KIF1B: variants seen among roughly 807,000 people sequenced by gnomAD.
KIF1B encodes the protein kinesin-like protein KIF1B.
Under a neutral mutation model 241.9 loss-of-function variants are expected in KIF1B, and 76 were observed. That is an observed-to-expected ratio of 0.31 (90% CI 0.26 to 0.38). KIF1B has a LOEUF of 0.38. Ranked by LOEUF, KIF1B falls within the 10% of genes least tolerant of loss-of-function variation. The probability of loss-of-function intolerance (pLI) is 1.00; values close to 1 mark genes in which losing one functional copy is unlikely to be tolerated. For synonymous variants in KIF1B, 750 were observed against 796.7 expected, an observed-to-expected ratio of 0.94 and a Z score of 0.99; for missense variants, 1,622 against 2,271.4, an observed-to-expected ratio of 0.71 and a Z score of 5.81.
At chr1:10,313,359 G>T (rs543131396) in intron 22 of KIF1B, among the ~76,000 whole-genome samples, 1 of 151,208 alleles carries the variant, frequency 6.6e-6, no homozygotes, top group Non-Finnish European at 1.5e-5. Flanking sequence ...GAGCCACCAC[G>T]CCTAGCCTAG....
chr1:10,337,155 T>G lies in KIF1B; in HGVS notation c.3211T>G (p.Ser1071Ala). ...LRIVEGQGQS[S>A]EVITPPEEIS... ...GATTGTGGAAGGACAGGGTCAGAGT[T>G]CTGAGGTCATCACTCCTCCAGAAGA... The change falls in exon 30 of 49, where the codon TCT becomes GCT. Residue 1071 changes from serine (S) to alanine (A), a missense_variant. Transcript: ENST00000676179. This position sits in a 1 kb window ranked among gnomAD's most constrained non-coding sequence, Gnocchi z 4.0. The G allele has an allele frequency of 6.2e-7, 1 of 1,614,162 alleles. No individual in the cohort carries two copies. The highest frequency in any genetic ancestry group is 8.5e-7 in the Non-Finnish European group (1 of 1,180,026).
Position 10,303,487 on chromosome 1 carries a change from A to G in KIF1B, c.2115+6241A>G, listed in dbSNP as rs371800731. 1 of 1,614,196 alleles carries G rather than the reference A, an allele frequency of 6.2e-7. No individual in the cohort carries two copies. Among genetic ancestry groups the G allele is most frequent in the Non-Finnish European group, 8.5e-7 (1 of 1,180,032 alleles). On this transcript the variant is annotated intron_variant, in intron 22 of 48. Coordinates refer to ENST00000676179, the MANE Select transcript of KIF1B (RefSeq NM_001365951.3). This position sits in a 1 kb window ranked among gnomAD's most constrained non-coding sequence, Gnocchi z 5.2. Reference sequence around the variant, plus strand: ...TGAAGCCCTGGCCATTGTCAAGATGAAGGAGCTTTGTGCCATGTATGGCAA... The same window carrying G: ...TGAAGCCCTGGCCATTGTCAAGATGGAGGAGCTTTGTGCCATGTATGGCAA...
chr1:10,212,715 C>G (rs1646708176), intron 1 of KIF1B, among the ~76,000 whole-genome samples: 1 of 151,666 alleles, frequency 6.6e-6, no homozygotes, highest in African/African-American at 2.4e-5. Context: ...GGGACTCTGT[C>G]TCTACAAAAA....
chr1:10,302,786 G>T (rs7530058), intron 22 of KIF1B, among the ~76,000 whole-genome samples: 10 of 152,124 alleles, frequency 6.6e-5, no homozygotes, highest in African/African-American at 2.2e-4. Flanking sequence ...CATTTTCTTC[G>T]AATAGTGAGG....
At chr1:10,255,726 G>A (rs1053443144) in intron 2 of KIF1B, among the ~76,000 whole-genome samples, 2 of 152,164 alleles carry the variant, frequency 1.3e-5, no homozygotes, top group Admixed American at 6.5e-5. Context: ...CTGGTAACAC[G>A]CAGTTAATGC....
At chr1:10,215,577 A>T (rs1214269770) in intron 1 of KIF1B, among the ~76,000 whole-genome samples, 1 of 142,888 alleles carries the variant, frequency 7.0e-6, no homozygotes, top group Admixed American at 7.0e-5. Context: ...ACAGGCTCTT[A>T]CTCTATTGCC....
chr1:10,362,524 A>G (rs1211718567), intron 40 of KIF1B, among the ~76,000 whole-genome samples: 1 of 151,658 alleles, frequency 6.6e-6, no homozygotes, highest in African/African-American at 2.4e-5. Flanking sequence ...AAAAGAAAGA[A>G]ACAATACAAT....
chr1:10,255,791 G>T (rs1647740912), intron 2 of KIF1B, among the ~76,000 whole-genome samples: 1 of 151,070 alleles, frequency 6.6e-6, no homozygotes, highest in East Asian at 1.9e-4. Flanking sequence ...AACTATGATT[G>T]TTTTCATTCA....
intron 1 of KIF1B, among the ~76,000 whole-genome samples, chr1:10,228,523 A>T (rs1441034416): frequency 1.3e-5 from 2 of 152,246 alleles, no homozygotes; most frequent in Non-Finnish European, 2.9e-5. Flanking sequence ...AGGGTTAAGC[A>T]GTGGTTTAAA....
chr1:10,301,823 A>G (rs917264723), intron 22 of KIF1B, among the ~76,000 whole-genome samples: 3 of 152,230 alleles, frequency 2.0e-5, no homozygotes, highest in Non-Finnish European at 2.9e-5. Context: ...TTGCTTTCCC[A>G]GAGATCCATG....
At chr1:10,277,240 G>A (rs1160752355) in intron 12 of KIF1B, among the ~76,000 whole-genome samples, 1 of 151,632 alleles carries the variant, frequency 6.6e-6, no homozygotes, top group Non-Finnish European at 1.5e-5. Flanking sequence ...GAGCACAGGA[G>A]TTTGAGGCCA....
intron 4 of KIF1B, among the ~76,000 whole-genome samples, chr1:10,259,188 G>C (rs1214974625): frequency 1.3e-5 from 2 of 148,674 alleles, no homozygotes; most frequent in South Asian, 2.1e-4. Flanking sequence ...AGTATTATTG[G>C]GTTTGATCCT....
At chr1:10,217,338 T>A (rs946428703) in intron 1 of KIF1B, among the ~76,000 whole-genome samples, 4 of 137,892 alleles carry the variant, frequency 2.9e-5, no homozygotes, top group African/African-American at 1.0e-4. Flanking sequence ...TTACTCTTTC[T>A]TTTTCTTTTT....
intron 1 of KIF1B, among the ~76,000 whole-genome samples, chr1:10,218,785 A>G (rs1646802261): frequency 6.6e-6 from 1 of 152,162 alleles, no homozygotes; most frequent in Non-Finnish European, 1.5e-5. Context: ...AGGAACTAGA[A>G]CTTTGACTAC....
chr1:10,322,491 TGTAA>T, intron 24 of KIF1B, among the ~76,000 whole-genome samples: 1 of 152,364 alleles, frequency 6.6e-6, no homozygotes, highest in South Asian at 2.1e-4. Context: ...TATTCATTTT[TGTAA>T]GTATTACCAA....
intron 2 of KIF1B, among the ~76,000 whole-genome samples, chr1:10,249,372 G>A (rs905918224): frequency 5.9e-5 from 9 of 151,638 alleles, no homozygotes; most frequent in African/African-American, 1.9e-4. Context: ...GGTATTTTAT[G>A]TATATATTGC....
Position 10,365,381 on chromosome 1 carries a change from G to A in KIF1B, c.4513-28G>A. ...TGAGGTCTTAACGAGCTTTGTGTTT[G>A]CTATAGCAGTAGTATTGATCTTCTC... On this transcript the variant is annotated intron_variant, in intron 42 of 48. Coordinates refer to ENST00000676179, the MANE Select transcript of KIF1B (RefSeq NM_001365951.3). This position sits in a 1 kb window ranked among gnomAD's most constrained non-coding sequence, Gnocchi z 4.0. 1 of 1,614,086 alleles carries A rather than the reference G, an allele frequency of 6.2e-7. No individual in the cohort carries two copies. Among genetic ancestry groups the A allele is most frequent in the Non-Finnish European group, 8.5e-7 (1 of 1,180,028 alleles).
In KIF1B at chr1:10,324,009, A is replaced by C; in HGVS notation, c.2484A>C (p.Glu828Asp). ...TCCCTCGCACAGTGGTAGCAGTAGA[A>C]GTCCAGGATTTGAAGAATGGAGCAA... ...RPFPRTVVAV[E>D]VQDLKNGATH... The change falls in exon 25 of 49, where the codon GAA (glutamate) becomes GAC (aspartate). Residue 828 changes from glutamate to aspartate, a missense_variant. By Grantham distance (45) the Glu-to-Asp change is conservative. Transcript: ENST00000676179. The C allele has an allele frequency of 2.5e-6, 4 of 1,614,212 alleles. No homozygotes were observed. Among genetic ancestry groups the C allele is most frequent in the Non-Finnish European group, 3.4e-6 (4 of 1,180,042 alleles).
chr1:10,224,218 G>A (rs1430060976), intron 1 of KIF1B, among the ~76,000 whole-genome samples: 1 of 152,156 alleles, frequency 6.6e-6, no homozygotes, highest in Non-Finnish European at 1.5e-5. Context: ...CCGGGTTTAA[G>A]CGGTTCTCCT....
Sources: allele counts gnomAD v4.1 joint callset (sites outside exome capture counted in the v4.1 genomes callset), GRCh38; gene constraint gnomAD v4.1.1; non-coding constraint Gnocchi (gnomAD v3.1); transcripts MANE v1.5; gene names NCBI Gene and HGNC (gene_info 2026-07-23, HGNC 2026-07-21).